Variants in ZDHHC23 observed in about 807,000 individuals in gnomAD.
The protein encoded by ZDHHC23 is zDHHC palmitoyltransferase 23.
Under a neutral mutation model 40.2 loss-of-function variants are expected in ZDHHC23, and 41 were observed. The observed-to-expected ratio is 1.02, with a 90% CI of 0.79 to 1.32. ZDHHC23 has a LOEUF of 1.32. ZDHHC23 is among the 40% of genes most tolerant of loss of function. The pLI is 0.00. For missense variants in ZDHHC23, 471 were observed against 541.5 expected (o/e 0.87, Z 1.29); for synonymous variants, 204 against 210.2 (o/e 0.97, Z 0.26).
rs1577272724 is a variant in ZDHHC23, at chr3:113,958,975, C to T, written c.*345C>T. On this transcript the variant is annotated 3_prime_UTR_variant, in exon 5 of 5. Transcript: ENST00000638807. ...GTGTTGGATTAGGATAGTTTCTAGT[C>T]CCTCTTTCGATTCTTAATAGCCATG... is the stretch of plus-strand genomic sequence containing the variant. The T allele has an allele frequency of 1.7e-6, 2 of 1,181,498 alleles. No individual in the cohort carries two copies. Among genetic ancestry groups the T allele is most frequent in the Non-Finnish European group, 2.1e-6 (2 of 935,514 alleles). The allele number at this position is 1,181,498 out of a possible 1,614,324, so 73.2% of individuals were successfully genotyped here. A position where few individuals can be genotyped will look rare whatever the true frequency, so the allele number is the denominator to read the frequency against.
intron 2 of ZDHHC23, among the ~76,000 whole-genome samples, chr3:113,952,485 A>G (rs1407774882): frequency 6.6e-6 from 1 of 152,168 alleles, no homozygotes; most frequent in Non-Finnish European, 1.5e-5. Flanking sequence ...TTCTGCCAGA[A>G]TCACCCTTGA....
In ZDHHC23 at chr3:113,959,782, C is replaced by T; in HGVS notation, c.*1152C>T. Reference sequence around the variant, plus strand: ...GCACATTAATTCTCAATTACCCCTCCCTAAATAACAGTATCTCACTAAGAG... The same window carrying T: ...GCACATTAATTCTCAATTACCCCTCTCTAAATAACAGTATCTCACTAAGAG... On this transcript the variant is annotated 3_prime_UTR_variant, in exon 5 of 5. Transcript: ENST00000638807. 1 of 1,066,584 alleles carries T rather than the reference C, an allele frequency of 9.4e-7. No individual in the cohort carries two copies. The highest frequency in any genetic ancestry group is 1.2e-6 in the Non-Finnish European group (1 of 868,150). 66.1% of individuals were successfully genotyped at this position (1,066,584 alleles called of 1,614,324 possible).
chr3:113,956,506 G>A lies in ZDHHC23; in HGVS notation c.1040G>A (p.Ser347Asn), dbSNP rs767824030. Residue 347 changes from serine (S) to asparagine (N), a missense_variant and splice_region_variant, in exon 4 of 5, where the codon AGC (serine) becomes AAC (asparagine). Coordinates refer to ENST00000638807, the MANE Select transcript of ZDHHC23 (RefSeq NM_001320466.2). ...FYCPGVYANYSSALSFTCVWY... is the reference protein window; with the variant it reads ...FYCPGVYANYNSALSFTCVWY... ...TGTCCTGGAGTTTATGCAAATTACA[G>A]GTGAGCAGTGGGTACCACAGTATGG... The A allele has an allele frequency of 3.1e-6, 5 of 1,612,318 alleles. No individual in the cohort carries two copies. The highest frequency in any genetic ancestry group is 4.2e-6 in the Non-Finnish European group (5 of 1,179,370).
downstream of ZDHHC23, among the ~76,000 whole-genome samples, chr3:113,969,088 C>T (rs974555911): frequency 1.3e-5 from 2 of 152,070 alleles, no homozygotes; most frequent in African/African-American, 4.8e-5. Flanking sequence ...TTTTAACAAC[C>T]AGCTCTTCCG....
At chr3:113,957,950 C>G in intron 4 of ZDHHC23, 2 of 397,644 alleles carry the variant, frequency 5.0e-6, no homozygotes, top group Non-Finnish European at 9.8e-6. Flanking sequence ...AGCACTGTTC[C>G]TCGGCATCCA....
chr3:113,978,703 C>A, the ZDHHC23 span: 1 of 799,874 alleles, frequency 1.3e-6, no homozygotes, highest in Admixed American at 2.5e-5. Flanking sequence ...ACTGATTTAC[C>A]ATTTTCACAT....
chr3:113,957,741 T>C (rs1356028065), intron 4 of ZDHHC23: 1 of 518,856 alleles, frequency 1.9e-6, no homozygotes, highest in Non-Finnish European at 3.8e-6. Flanking sequence ...TGGCAGAGGC[T>C]AACTGGCAGC....
intron 3 of ZDHHC23, among the ~76,000 whole-genome samples, chr3:113,954,664 AT>A (rs1454990799): frequency 1.3e-5 from 2 of 152,004 alleles, no homozygotes; most frequent in Non-Finnish European, 2.9e-5. Flanking sequence ...TTTCTTTTGA[AT>A]GACTCCTCAT....
downstream of ZDHHC23, among the ~76,000 whole-genome samples, chr3:113,969,485 T>C (rs912541746): frequency 2.0e-5 from 3 of 152,234 alleles, no homozygotes; most frequent in African/African-American, 7.2e-5. Flanking sequence ...GTTTCTGGAC[T>C]TAGATTTAAA....
At chr3:113,957,197 C>T (rs552471713) in intron 4 of ZDHHC23, among the ~76,000 whole-genome samples, 1 of 152,346 alleles carries the variant, frequency 6.6e-6, no homozygotes, top group East Asian at 1.9e-4. Context: ...CTCTTTATTC[C>T]CTTCCCTTCA....
chr3:113,978,137 A>G, the ZDHHC23 span: 4 of 1,601,018 alleles, frequency 2.5e-6, no homozygotes, highest in Non-Finnish European at 3.4e-6. Flanking sequence ...TATATTGCTG[A>G]GCAATTGTGA....
In ZDHHC23 at chr3:113,953,769, C is replaced by T. The variant is rs775578985; in HGVS notation, c.231C>T (p.Leu77=). The T allele has an allele frequency of 3.1e-6, 5 of 1,614,064 alleles. No individual in the cohort carries two copies. In the African/African-American group the frequency reaches 6.7e-5, roughly 22 times the overall value. The change falls in exon 3 of 5, where the codon CTC becomes CTT. Residue 77 remains leucine (L), a synonymous_variant. Coordinates refer to ENST00000638807, the MANE Select transcript of ZDHHC23 (RefSeq NM_001320466.2). Reference sequence around the variant, plus strand: ...TCATGGATACAATTTCTGATCGCCTCCGAATTCCTTGGCTTAGGGGAGCCA... The same window carrying T: ...TCATGGATACAATTTCTGATCGCCTTCGAATTCCTTGGCTTAGGGGAGCCA... ...ERIMDTISDR[L]RIPWLRGAKK...
At chr3:113,975,228 G>T in the ZDHHC23 span, among the ~76,000 whole-genome samples, 2 of 152,118 alleles carry the variant, frequency 1.3e-5, no homozygotes, top group Non-Finnish European at 2.9e-5. Flanking sequence ...AAATTATCCG[G>T]AAGTGATACA....
At chr3:113,976,731 A>G in the ZDHHC23 span, among the ~76,000 whole-genome samples, 79 of 152,068 alleles carry the variant, frequency 5.2e-4, no homozygotes, top group Non-Finnish European at 9.0e-4. Flanking sequence ...ACAGCAATCC[A>G]TAAGATAGAT....
At chr3:113,965,590 TTTTA>T (rs557303033), downstream of ZDHHC23, among the ~76,000 whole-genome samples, 52 of 152,222 alleles carry the variant, frequency 3.4e-4, 1 homozygote, top group South Asian at 0.01. Context: ...TTTTATTTTA[TTTTA>T]TTTATTTTCT....
At chr3:113,973,074 T>TA in the ZDHHC23 span, among the ~76,000 whole-genome samples, 1 of 152,180 alleles carries the variant, frequency 6.6e-6, no homozygotes, top group African/African-American at 2.4e-5. Flanking sequence ...AGTAAGGACT[T>TA]ACTATGGCAA....
At chr3:113,964,799 G>C (rs1939946748), downstream of ZDHHC23, 1 of 156,466 alleles carries the variant, frequency 6.4e-6, no homozygotes, top group African/African-American at 2.4e-5. Context: ...GTTTCATTAA[G>C]GTCACATCAG....
downstream of ZDHHC23, among the ~76,000 whole-genome samples, chr3:113,969,093 C>T (rs577205947): frequency 1.4e-4 from 21 of 152,254 alleles, no homozygotes; most frequent in South Asian, 4.4e-3. Context: ...ACAACCAGCT[C>T]TTCCGTAACT....
In ZDHHC23 at chr3:113,961,749, A is replaced by G. The variant is rs1939693232; in HGVS notation, c.*3119A>G. 1 of 152,662 alleles carries G rather than the reference A, an allele frequency of 6.6e-6. No individual in the cohort carries two copies. Among genetic ancestry groups the G allele is most frequent in the Non-Finnish European group, 1.5e-5 (1 of 68,034 alleles). The allele number at this position is 152,662 out of a possible 1,614,324, so 9.5% of individuals were successfully genotyped here. On this transcript the variant is annotated 3_prime_UTR_variant, in exon 5 of 5. Coordinates refer to ENST00000638807, the MANE Select transcript of ZDHHC23 (RefSeq NM_001320466.2). ...TTATGCAATAGTCCTTGGTACTTCT[A>G]ATATTTTTAGCAAGAGACAATTTTC... is the stretch of plus-strand genomic sequence containing the variant.
Sources: gnomAD v4.1 joint callset for allele counts (sites outside exome capture counted in the v4.1 genomes callset) on GRCh38, gnomAD v4.1.1 for gene constraint, MANE v1.5 for transcripts, NCBI Gene and HGNC (gene_info 2026-07-23, HGNC 2026-07-21) for gene names.